Variants in IL1RAPL2 observed in about 807,000 individuals in gnomAD.
IL1RAPL2 encodes the protein X-linked interleukin-1 receptor accessory protein-like 2.
A neutral mutation model predicts 44.1 loss-of-function variants in IL1RAPL2; 3 were observed. That is an observed-to-expected ratio of 0.07 (90% CI 0.03 to 0.18). IL1RAPL2 has a LOEUF of 0.18. IL1RAPL2 is among the 10% of genes least tolerant of loss of function. IL1RAPL2 has a pLI of 1.00. For synonymous variants in IL1RAPL2, 181 were observed against 178.8 expected (o/e 1.01, Z -0.10); for missense variants, 391 against 496.4 (o/e 0.79, Z 2.02).
At chrX:105,064,697 ATATT>A (rs1198240738) in intron 2 of IL1RAPL2, among the ~76,000 whole-genome samples, 2 of 112,225 alleles carry the variant, frequency 1.8e-5, no homozygotes, top group Non-Finnish European at 3.8e-5. Flanking sequence ...GAAAAGAAAT[ATATT>A]TATTTATCAT....
chrX:104,816,930 A>G (rs1482506764), intron 2 of IL1RAPL2, among the ~76,000 whole-genome samples: 3 of 112,921 alleles, frequency 2.7e-5, no homozygotes, highest in African/African-American at 9.6e-5. Flanking sequence ...TAAGAAATCA[A>G]CTTGCAAAAG....
chrX:105,010,797 G>T (rs761406440), intron 2 of IL1RAPL2, among the ~76,000 whole-genome samples: 1 of 111,243 alleles, frequency 9.0e-6, no homozygotes. Flanking sequence ...AATTAACAAA[G>T]TTTTATGGTG....
intron 6 of IL1RAPL2, among the ~76,000 whole-genome samples, chrX:105,599,077 A>G (rs1255962906): frequency 8.9e-6 from 1 of 112,506 alleles, no homozygotes; most frequent in Non-Finnish European, 1.9e-5. Flanking sequence ...ATTCAAGTCT[A>G]CACAGGTTTA....
chrX:104,589,421 G>A (rs781700984), intron 1 of IL1RAPL2, among the ~76,000 whole-genome samples: 7 of 111,825 alleles, frequency 6.3e-5, no homozygotes, highest in Admixed American at 9.5e-5. Context: ...TGTGGTGGCC[G>A]CTGATTAGGT....
At chrX:105,765,003 T>G (rs1049078089) in intron 10 of IL1RAPL2, among the ~76,000 whole-genome samples, 1 of 111,545 alleles carries the variant, frequency 9.0e-6, no homozygotes, top group East Asian at 2.8e-4. Flanking sequence ...TGGTAAATTA[T>G]TTTGTGAAGA....
intron 5 of IL1RAPL2, among the ~76,000 whole-genome samples, chrX:105,390,027 T>G (rs2035509485): frequency 9.0e-6 from 1 of 111,293 alleles, no homozygotes; most frequent in African/African-American, 3.3e-5. Context: ...CTGCAGGGAT[T>G]ACTTAAAAAA....
intron 6 of IL1RAPL2, among the ~76,000 whole-genome samples, chrX:105,527,436 TTG>T (rs10687485): frequency 0.065 from 6,205 of 95,340 alleles, 190 homozygotes; most frequent in Non-Finnish European, 0.087. Context: ...TGAGAGTGTG[TTG>T]TGTGTGTGTG....
intron 1 of IL1RAPL2, among the ~76,000 whole-genome samples, chrX:104,652,869 A>G (rs765015081): frequency 9.0e-6 from 1 of 111,309 alleles, no homozygotes; most frequent in African/African-American, 3.3e-5. Flanking sequence ...CTTCAAACAG[A>G]TGGGACATAT....
intron 1 of IL1RAPL2, among the ~76,000 whole-genome samples, chrX:104,605,935 TA>T (rs1929000111): frequency 9.0e-6 from 1 of 111,327 alleles, no homozygotes; most frequent in Non-Finnish European, 1.9e-5. Context: ...TTCCAATCAA[TA>T]GAAAAAGAGG....
intron 5 of IL1RAPL2, among the ~76,000 whole-genome samples, chrX:105,424,450 G>A (rs1439216484): frequency 9.1e-6 from 1 of 110,138 alleles, no homozygotes; most frequent in East Asian, 2.9e-4. Flanking sequence ...TAGAATGGGA[G>A]GCAGATTTGC....
intron 1 of IL1RAPL2, among the ~76,000 whole-genome samples, chrX:104,574,173 G>A (rs747404826): frequency 9.0e-5 from 10 of 111,097 alleles, no homozygotes; most frequent in African/African-American, 3.3e-4. Flanking sequence ...AGTCTTTATG[G>A]TAAAAAATAC....
chrX:105,475,584 A>G (rs1469012658), intron 5 of IL1RAPL2, among the ~76,000 whole-genome samples: 2 of 110,429 alleles, frequency 1.8e-5, no homozygotes, highest in Non-Finnish European at 3.8e-5. Flanking sequence ...TTTGTTTGAC[A>G]TCAACAATAT....
chrX:104,654,677 A>C (rs940429889), intron 1 of IL1RAPL2, among the ~76,000 whole-genome samples: 1 of 111,275 alleles, frequency 9.0e-6, no homozygotes, highest in Non-Finnish European at 1.9e-5. Context: ...GTTCCATATG[A>C]ATTTTAAAGT....
chrX:105,550,227 C>G (rs1323782636), intron 6 of IL1RAPL2, among the ~76,000 whole-genome samples: 1 of 111,951 alleles, frequency 8.9e-6, no homozygotes, highest in Non-Finnish European at 1.9e-5. Context: ...GAGTGTCCTC[C>G]ACCACAATTA....
chrX:104,908,370 C>T (rs1265662897), intron 2 of IL1RAPL2, among the ~76,000 whole-genome samples: 7 of 111,324 alleles, frequency 6.3e-5, no homozygotes, highest in East Asian at 2.8e-4. Flanking sequence ...TTATTTTGCT[C>T]GTTAGTTGAT....
At chrX:105,606,159 C>T (rs182012095) in intron 6 of IL1RAPL2, among the ~76,000 whole-genome samples, 1 of 111,427 alleles carries the variant, frequency 9.0e-6, no homozygotes, top group African/African-American at 3.2e-5. Context: ...ACACCATTAA[C>T]CTGACAAGTA....
chrX:104,770,527 G>A (rs1932624040), intron 2 of IL1RAPL2, among the ~76,000 whole-genome samples: 1 of 111,192 alleles, frequency 9.0e-6, no homozygotes, highest in Non-Finnish European at 1.9e-5. Context: ...AAATATCAAG[G>A]CAACTATATT....
intron 2 of IL1RAPL2, among the ~76,000 whole-genome samples, chrX:104,779,930 T>A (rs958554996): frequency 3.6e-5 from 4 of 110,681 alleles, no homozygotes; most frequent in Non-Finnish European, 7.6e-5. Flanking sequence ...GAGAGAAGAG[T>A]TAGATGGTTA....
intron 2 of IL1RAPL2, among the ~76,000 whole-genome samples, chrX:105,095,071 G>T (rs988619216): frequency 4.5e-5 from 5 of 111,299 alleles, no homozygotes; most frequent in Non-Finnish European, 9.4e-5. Context: ...GTGGATTCCT[G>T]AGTATTTTCT....
Sources: allele counts gnomAD v4.1 joint callset (sites outside exome capture counted in the v4.1 genomes callset), GRCh38; gene constraint gnomAD v4.1.1; transcripts MANE v1.5; gene names NCBI Gene and HGNC (gene_info 2026-07-23, HGNC 2026-07-21).